MICAL3: variants seen among roughly 807,000 people sequenced by gnomAD.
MICAL3 encodes the protein [F-actin]-monooxygenase MICAL3.
A neutral mutation model predicts 207.4 loss-of-function variants in MICAL3; 62 were observed. That is an observed-to-expected ratio of 0.30 (90% CI 0.24 to 0.37). The LOEUF (loss-of-function observed/expected upper bound fraction) is 0.37. Ranked by LOEUF, MICAL3 falls within the 10% of genes least tolerant of loss-of-function variation. The pLI, the probability that MICAL3 is intolerant of heterozygous loss-of-function variation, is 1.00. For missense variants in MICAL3, 2,368 were observed against 2,635.6 expected, an observed-to-expected ratio of 0.90 and a Z score of 2.22; for synonymous variants, 1,077 against 1,069.3, an observed-to-expected ratio of 1.01 and a Z score of -0.14.
intron 1 of MICAL3, chr22:17,983,101 A>G (rs1044770682): frequency 6.6e-6 from 1 of 152,162 alleles, no homozygotes; most frequent in African/African-American, 2.4e-5. Flanking sequence ...CTTTTTTTAG[A>G]GAAGGGGTCT....
At chr22:17,879,581 G>A (rs1020123116) in intron 16 of MICAL3, among the ~76,000 whole-genome samples, 1 of 152,110 alleles carries the variant, frequency 6.6e-6, no homozygotes, top group Non-Finnish European at 1.5e-5. Context: ...ACACAAGGCC[G>A]ACTTTCTGCA....
chr22:17,851,433 G>A (rs1925326169), intron 19 of MICAL3, among the ~76,000 whole-genome samples: 1 of 152,182 alleles, frequency 6.6e-6, no homozygotes, highest in African/African-American at 2.4e-5. Context: ...TAAAACCAGA[G>A]GCTCTGCTGG....
chr22:17,950,265 G>A (rs957063080), intron 1 of MICAL3, among the ~76,000 whole-genome samples: 2 of 150,720 alleles, frequency 1.3e-5, no homozygotes, highest in Middle Eastern at 3.4e-3. Context: ...AGGTTCAGGC[G>A]ATTCTTGTAC....
chr22:17,886,879 G>C (rs532630047), intron 15 of MICAL3, among the ~76,000 whole-genome samples: 3 of 150,158 alleles, frequency 2.0e-5, no homozygotes, highest in Non-Finnish European at 3.0e-5. Context: ...CTACTTGGGA[G>C]GCTGAGGCAG....
chr22:17,880,631 C>CGCCTGCTGTCCTCACTG (rs367980080), intron 16 of MICAL3, among the ~76,000 whole-genome samples: 6 of 152,192 alleles, frequency 3.9e-5, no homozygotes, highest in African/African-American at 1.2e-4. Flanking sequence ...CGCAGACACA[C>CGCCTGCTGTCCTCACTG]GCCTGCTGTC....
intron 16 of MICAL3, among the ~76,000 whole-genome samples, chr22:17,880,269 C>G (rs1015725155): frequency 6.6e-6 from 1 of 152,224 alleles, no homozygotes; most frequent in African/African-American, 2.4e-5. Flanking sequence ...ATACTTCAGT[C>G]TCCTCCCTGG....
chr22:17,795,687 G>T (rs757371572), intron 29 of MICAL3, among the ~76,000 whole-genome samples: 1 of 152,256 alleles, frequency 6.6e-6, no homozygotes, highest in African/African-American at 2.4e-5. Context: ...AGGCAGAAGC[G>T]CGTGTGAGCG....
Position 17,818,322 on chromosome 22 carries a change from T to A in MICAL3, c.4339A>T (p.Thr1447Ser), listed in dbSNP as rs2146008614. The A allele has an allele frequency of 1.3e-6, 2 of 1,578,104 alleles. No homozygotes were observed. The highest frequency in any genetic ancestry group is 2.2e-5 in the East Asian group (1 of 44,456). ...MKTLGSQSFN[T>S]SDSAMLTPPS... ...GGCGTGAGCATGGCGGAGTCCGAGGTGTTGAAGCTCTGGCTGCCCAGTGTC... is the reference window on the plus strand; with the variant it reads ...GGCGTGAGCATGGCGGAGTCCGAGGAGTTGAAGCTCTGGCTGCCCAGTGTC... Residue 1447 changes from threonine (T) to serine (S), a missense_variant, in exon 26 of 32, where the codon ACC (threonine) becomes TCC (serine). Physicochemically the swap from Thr to Ser is moderately conservative, Grantham distance 58 (BLOSUM62 1). Coordinates refer to ENST00000441493, the MANE Select transcript of MICAL3 (RefSeq NM_015241.3).
intron 19 of MICAL3, chr22:17,863,089 G>A: frequency 1.0e-6 from 1 of 985,266 alleles, no homozygotes; most frequent in Non-Finnish European, 1.2e-6. Context: ...ATTCTCTATG[G>A]AAAGCGTAAT....
chr22:17,860,090 G>T, intron 19 of MICAL3: 2 of 780,828 alleles, frequency 2.6e-6, no homozygotes, highest in Non-Finnish European at 3.1e-6. Context: ...CCCAAGACCT[G>T]CCTGAGCCTC....
chr22:17,885,550 CTCAG>C (rs1355261485), intron 16 of MICAL3, among the ~76,000 whole-genome samples: 14 of 152,130 alleles, frequency 9.2e-5, no homozygotes, highest in African/African-American at 3.4e-4. Context: ...CAGCATTTTC[CTCAG>C]TAAGTGTGTA....
intron 1 of MICAL3, among the ~76,000 whole-genome samples, chr22:17,931,596 C>T (rs1933267993): frequency 6.6e-6 from 1 of 152,192 alleles, no homozygotes; most frequent in African/African-American, 2.4e-5. Context: ...GTGACTTGTC[C>T]CTTCTGAAGG....
rs541913545 is a variant in MICAL3 at position 18,004,866 on chromosome 22, A to G, written c.-75+19415T>C. On this transcript the variant is annotated intron_variant, in intron 1 of 31. Coordinates refer to ENST00000441493, the MANE Select transcript of MICAL3 (RefSeq NM_015241.3). Reference sequence around the variant, plus strand: ...ACGCAATACTGTCTTGAGTTTCTTAAGAATCTACTGCATGCCAGATGAAAG... The same window carrying G: ...ACGCAATACTGTCTTGAGTTTCTTAGGAATCTACTGCATGCCAGATGAAAG... The G allele has an allele frequency of 3.3e-5, 5 of 152,316 alleles. No individual in the cohort carries two copies. In the East Asian group the frequency reaches 9.6e-4, roughly 29 times the overall value. The allele number at this position is 152,316 out of a possible 1,614,324, so 9.4% of individuals were successfully genotyped here.
chr22:17,909,698 A>G (rs1931988418), intron 1 of MICAL3, among the ~76,000 whole-genome samples: 1 of 152,202 alleles, frequency 6.6e-6, no homozygotes, highest in Non-Finnish European at 1.5e-5. Flanking sequence ...AGTTCCTAAA[A>G]AGGGCCCATT....
intron 1 of MICAL3, among the ~76,000 whole-genome samples, chr22:17,949,965 A>T (rs1268159546): frequency 1.3e-5 from 2 of 152,200 alleles, no homozygotes; most frequent in Non-Finnish European, 2.9e-5. Context: ...AACAGGAGCT[A>T]AAGTGCTTCC....
intron 29 of MICAL3, among the ~76,000 whole-genome samples, chr22:17,797,488 T>C (rs1010046356): frequency 2.6e-5 from 4 of 152,006 alleles, no homozygotes; most frequent in African/African-American, 9.7e-5. Flanking sequence ...AGACCCTATC[T>C]CTAAAAAATA....
intron 1 of MICAL3, among the ~76,000 whole-genome samples, chr22:17,912,957 T>C (rs1015412040): frequency 1.3e-5 from 2 of 152,374 alleles, no homozygotes; most frequent in East Asian, 1.9e-4. Context: ...ACACGTACCA[T>C]GGTTTTTCGC....
Position 17,945,025 on chromosome 22 carries a change from T to C in MICAL3, c.-74-38139A>G, listed in dbSNP as rs781344351. 6.0e-3 allele frequency among the ~76,000 whole-genome samples: 834 copies of C among 138,524 alleles called. 5 individuals are homozygous for C. The highest frequency in any genetic ancestry group is 0.013 in the African/African-American group (457 of 36,396). 90.9% of individuals were successfully genotyped at this position (138,524 alleles called of 152,430 possible). A position where few individuals can be genotyped will look rare whatever the true frequency, so the allele number is the denominator to read the frequency against. On this transcript the variant is annotated intron_variant, in intron 1 of 31. Transcript: ENST00000441493. ...TGGGGGACCTTTTTTTTTTTTTTTT[T>C]CAACAGTATGACCAGGTGTAAAATT...
chr22:17,980,482 T>A (rs1319989593), intron 1 of MICAL3, among the ~76,000 whole-genome samples: 1 of 152,196 alleles, frequency 6.6e-6, no homozygotes, highest in East Asian at 1.9e-4. Context: ...ACCCTCCTAG[T>A]GGGCAAGGAC....
Sources: gnomAD v4.1 joint callset for allele counts (sites outside exome capture counted in the v4.1 genomes callset) on GRCh38, gnomAD v4.1.1 for gene constraint, MANE v1.5 for transcripts, NCBI Gene and HGNC (gene_info 2026-07-23, HGNC 2026-07-21) for gene names.